The following ZNF221 variants were observed in gnomAD, a reference collection of about 807,000 sequenced individuals.
ZNF221 encodes the protein zinc finger protein 221.
Under a neutral mutation model 12.6 loss-of-function variants are expected in ZNF221, and 10 were observed. That is an observed-to-expected ratio of 0.79 (90% CI 0.49 to 1.34). The LOEUF (loss-of-function observed/expected upper bound fraction) is 1.34. Among genes scored for constraint, ZNF221 ranks in the 40% most tolerant of loss-of-function variants. The pLI, the probability that ZNF221 is intolerant of heterozygous loss-of-function variation, is 0.00. For synonymous variants in ZNF221, 232 were observed against 244.0 expected, an observed-to-expected ratio of 0.95 and a Z score of 0.46; for missense variants, 661 against 721.4, an observed-to-expected ratio of 0.92 and a Z score of 0.96.
downstream of ZNF221, among the ~76,000 whole-genome samples, chr19:43,969,054 G>A (rs1360887349): frequency 6.6e-6 from 1 of 152,198 alleles, no homozygotes; most frequent in South Asian, 2.1e-4. Flanking sequence ...CTAGGAAGGG[G>A]GCTGAATCCA....
At chr19:43,978,939 T>G in the ZNF221 span, among the ~76,000 whole-genome samples, 78,517 of 115,162 alleles carry the variant, frequency 0.68, 25,086 homozygotes, top group South Asian at 0.76. Context: ...GTGTGTTTTT[T>G]TTTTTTTTTT....
At chr19:43,980,584 G>A in the ZNF221 span, among the ~76,000 whole-genome samples, 1 of 152,234 alleles carries the variant, frequency 6.6e-6, no homozygotes, top group African/African-American at 2.4e-5. Context: ...ATATTTGTAA[G>A]ATACATACAT....
the ZNF221 span, among the ~76,000 whole-genome samples, chr19:43,973,113 A>C: frequency 6.6e-6 from 1 of 152,252 alleles, no homozygotes; most frequent in East Asian, 1.9e-4. Flanking sequence ...CAAATCAATA[A>C]ATGTGATCAC....
At chr19:43,957,343 G>A (rs929565495) in intron 1 of ZNF221, among the ~76,000 whole-genome samples, 4 of 151,966 alleles carry the variant, frequency 2.6e-5, no homozygotes, top group Admixed American at 2.6e-4. Flanking sequence ...ACCACACCTG[G>A]CTAATTTTTA....
intron 2 of ZNF221, among the ~76,000 whole-genome samples, chr19:43,963,100 C>T (rs1208545848): frequency 6.6e-6 from 1 of 152,130 alleles, no homozygotes; most frequent in Non-Finnish European, 1.5e-5. Flanking sequence ...TCATCATGTA[C>T]ATTCATAACT....
chr19:43,965,671 A>C, intron 4 of ZNF221, 133 bp from the exon 5 acceptor site: 22 of 758,432 alleles, frequency 2.9e-5, no homozygotes, highest in Non-Finnish European at 3.8e-5. Flanking sequence ...CAAAGACCAT[A>C]GTGCACTCGG....
chr19:43,953,366 T>C (rs557294665), intron 1 of ZNF221, among the ~76,000 whole-genome samples: 44 of 152,132 alleles, frequency 2.9e-4, no homozygotes, highest in African/African-American at 1.1e-3. Flanking sequence ...AGAGCTTCCA[T>C]ACCTTCCTGG....
intron 2 of ZNF221, among the ~76,000 whole-genome samples, chr19:43,964,736 C>A (rs1974907480): frequency 6.6e-6 from 1 of 152,142 alleles, no homozygotes; most frequent in Non-Finnish European, 1.5e-5. Context: ...TACAGGACTT[C>A]TTTTATATCA....
downstream of ZNF221, among the ~76,000 whole-genome samples, chr19:43,971,494 C>T (rs902056976): frequency 1.5e-4 from 23 of 152,058 alleles, no homozygotes; most frequent in African/African-American, 2.7e-4. Context: ...CCGATTGATA[C>T]GCCGTGTTTA....
the ZNF221 span, among the ~76,000 whole-genome samples, chr19:43,980,519 C>T: frequency 6.6e-6 from 1 of 152,072 alleles, no homozygotes; most frequent in Non-Finnish European, 1.5e-5. Context: ...TCAAATGGCA[C>T]GTTTATATTT....
the ZNF221 span, chr19:43,978,672 T>C: frequency 1.3e-5 from 2 of 152,056 alleles, no homozygotes; most frequent in Non-Finnish European, 2.9e-5. Flanking sequence ...TAGCTTCATA[T>C]GTAGTACCTG....
chr19:43,973,244 T>C, the ZNF221 span, among the ~76,000 whole-genome samples: 2 of 152,118 alleles, frequency 1.3e-5, no homozygotes, highest in African/African-American at 2.4e-5. Context: ...TGAAGGAACA[T>C]ACCTCAAAAT....
At chr19:43,977,399 G>A in the ZNF221 span, 1 of 152,124 alleles carries the variant, frequency 6.6e-6, no homozygotes, top group African/African-American at 2.4e-5. Flanking sequence ...TAAGGAATAG[G>A]GATGTGGAAG....
downstream of ZNF221, among the ~76,000 whole-genome samples, chr19:43,970,068 G>A (rs1480329323): frequency 6.6e-6 from 1 of 152,180 alleles, no homozygotes; most frequent in Non-Finnish European, 1.5e-5. Context: ...GGAGAAGGCT[G>A]CCATCTTTGC....
In ZNF221 at chr19:43,966,870, T is replaced by G. The variant is rs139318979; in HGVS notation, c.1368T>G (p.Gly456=). Residue 456 remains glycine (G), a synonymous_variant, in exon 5 of 5, where the codon GGT becomes GGG. Transcript: ENST00000587682. ...GEKPYNCEEC[G]KDYKRRLDLE... is the part of the protein sequence containing the mutation. ...AGCCATATAACTGTGAGGAGTGTGG[T>G]AAGGACTATAAAAGGAGGTTGGATC... 1.2e-6 allele frequency: 2 copies of G among 1,613,912 alleles called. No homozygotes were observed. The highest frequency in any genetic ancestry group is 2.7e-5 in the African/African-American group (2 of 74,866).
intron 1 of ZNF221, among the ~76,000 whole-genome samples, chr19:43,961,157 T>G (rs1389501165): frequency 6.6e-6 from 1 of 152,250 alleles, no homozygotes; most frequent in African/African-American, 2.4e-5. Flanking sequence ...CCTAACTTGC[T>G]GCAGCCTTTA....
intron 1 of ZNF221, among the ~76,000 whole-genome samples, chr19:43,953,010 A>G (rs1251941492): frequency 1.3e-5 from 2 of 152,140 alleles, no homozygotes; most frequent in East Asian, 3.9e-4. Flanking sequence ...TCTCATGCCC[A>G]GGATGGAGTG....
the ZNF221 span, among the ~76,000 whole-genome samples, chr19:43,976,315 A>T: frequency 6.6e-6 from 1 of 152,018 alleles, no homozygotes; most frequent in Non-Finnish European, 1.5e-5. Context: ...AGGCAGGTGG[A>T]TCACTTGAGG....
downstream of ZNF221, among the ~76,000 whole-genome samples, chr19:43,970,274 C>G (rs1975068849): frequency 6.6e-6 from 1 of 152,108 alleles, no homozygotes. Context: ...GGTCAGCAAC[C>G]TCAAGATTGA....
Sources: allele counts gnomAD v4.1 joint callset (sites outside exome capture counted in the v4.1 genomes callset), GRCh38; gene constraint gnomAD v4.1.1; transcripts MANE v1.5; gene names NCBI Gene and HGNC (gene_info 2026-07-23, HGNC 2026-07-21).